The following PRDM11 variants were observed in gnomAD, a reference collection of about 807,000 sequenced individuals.
PRDM11 encodes the protein PR/SET domain 11, also known as PR domain-containing protein 11.
In PRDM11, 20 loss-of-function variants were observed where a neutral mutation model predicts 97.8. The observed-to-expected ratio is 0.20, with a 90% CI of 0.14 to 0.30. The LOEUF (loss-of-function observed/expected upper bound fraction) is 0.30. Ranked by LOEUF, PRDM11 falls within the 10% of genes least tolerant of loss-of-function variation. The pLI is 1.00. For missense variants in PRDM11, 1,139 were observed against 1,555.2 expected, an observed-to-expected ratio of 0.73 and a Z score of 4.50; for synonymous variants, 599 against 637.7, an observed-to-expected ratio of 0.94 and a Z score of 0.91.
chr11:45,216,486 C>T (rs1853961514), intron 5 of PRDM11, among the ~76,000 whole-genome samples: 1 of 151,990 alleles, frequency 6.6e-6, no homozygotes, highest in South Asian at 2.1e-4. Flanking sequence ...GGGGGGTGGT[C>T]GAGCCAGCAG....
At chr11:45,204,689 A>G in intron 4 of PRDM11, 22 bp from the exon 5 acceptor site, 1 of 1,601,232 alleles carries the variant, frequency 6.2e-7, no homozygotes, top group Non-Finnish European at 8.6e-7. Context: ...GGCCCATCCT[A>G]GACTCTTTCT....
At chr11:45,196,318 C>T (rs988502242) in intron 4 of PRDM11, among the ~76,000 whole-genome samples, 7 of 152,214 alleles carry the variant, frequency 4.6e-5, no homozygotes, top group East Asian at 3.9e-4. Context: ...AGGATGGATG[C>T]GCCGGTTGTG....
chr11:45,209,548 C>T (rs958981989), intron 5 of PRDM11, among the ~76,000 whole-genome samples: 2 of 152,198 alleles, frequency 1.3e-5, no homozygotes, highest in Admixed American at 6.5e-5. Context: ...AAACCCCACG[C>T]AGGCCCTGCT....
chr11:45,216,275 T>A (rs1853953287), intron 5 of PRDM11: 1 of 152,206 alleles, frequency 6.6e-6, no homozygotes, highest in African/African-American at 2.4e-5. Context: ...GCATTCTCTG[T>A]GCCTTCTCTC....
chr11:45,165,568 C>T (rs1010350929), intron 1 of PRDM11, among the ~76,000 whole-genome samples: 3 of 152,226 alleles, frequency 2.0e-5, no homozygotes, highest in Non-Finnish European at 2.9e-5. Context: ...GACTGGAGAC[C>T]TGGAGAGTGA....
chr11:45,116,370 C>T (rs576827649), intron 1 of PRDM11, among the ~76,000 whole-genome samples: 23 of 152,266 alleles, frequency 1.5e-4, no homozygotes, highest in Non-Finnish European at 2.9e-4. Flanking sequence ...AGAACATTCA[C>T]CAAGACATAC....
chr11:45,164,205 C>T (rs1050444641), intron 1 of PRDM11, among the ~76,000 whole-genome samples: 3 of 152,196 alleles, frequency 2.0e-5, no homozygotes, highest in African/African-American at 4.8e-5. Flanking sequence ...ATCCAGCATC[C>T]TTTAGGTCTG....
At chr11:45,112,469 A>G (rs1291472156) in intron 1 of PRDM11, among the ~76,000 whole-genome samples, 1 of 152,204 alleles carries the variant, frequency 6.6e-6, no homozygotes, top group Non-Finnish European at 1.5e-5. Context: ...TGGGATTGCT[A>G]GATCAAATGG....
intron 1 of PRDM11, among the ~76,000 whole-genome samples, chr11:45,163,495 G>GA (rs1554968589): frequency 6.6e-6 from 1 of 151,406 alleles, no homozygotes; most frequent in African/African-American, 2.4e-5. Context: ...GGATGGGGGG[G>GA]GGTACCCGGT....
intron 4 of PRDM11, among the ~76,000 whole-genome samples, chr11:45,199,796 G>T (rs1005708967): frequency 6.6e-6 from 1 of 152,178 alleles, no homozygotes; most frequent in Non-Finnish European, 1.5e-5. Context: ...GGCATGTAAC[G>T]TGGTCCACAG....
intron 1 of PRDM11, among the ~76,000 whole-genome samples, chr11:45,162,125 G>C (rs1326732294): frequency 6.6e-6 from 1 of 152,236 alleles, no homozygotes; most frequent in Non-Finnish European, 1.5e-5. Flanking sequence ...ACCATGGGTT[G>C]CCCTGGGCCC....
chr11:45,224,971 A>G, intron 7 of PRDM11, 128 bp downstream of exon 7: 1 of 1,538,090 alleles, frequency 6.5e-7, no homozygotes, highest in Admixed American at 1.9e-5. Context: ...GGAGGCGGCT[A>G]CCTCCGTGGG....
intron 1 of PRDM11, among the ~76,000 whole-genome samples, chr11:45,097,538 C>T (rs1851905605): frequency 6.6e-6 from 1 of 152,166 alleles, no homozygotes. Flanking sequence ...CTCAAGATCA[C>T]ACAGGGGTAA....
chr11:45,208,488 T>G (rs531437971), intron 5 of PRDM11, among the ~76,000 whole-genome samples: 3 of 152,356 alleles, frequency 2.0e-5, no homozygotes, highest in African/African-American at 4.8e-5. Context: ...TAAGAGATTT[T>G]AAGCCCCTTA....
Position 45,219,670 on chromosome 11 carries a change from G to A in PRDM11, c.655G>A (p.Glu219Lys). 1 of 1,614,122 alleles carries A rather than the reference G, an allele frequency of 6.2e-7. No homozygotes were observed. Among genetic ancestry groups the A allele is most frequent in the Non-Finnish European group, 8.5e-7 (1 of 1,180,030 alleles). The part of the protein sequence containing the change: ...FRACRDIRPG[E>K]WLRVWYSEDY... ...GGCGTGCAGGGACATCCGGCCTGGG[G>A]AGTGGCTGCGGGTCTGGTACAGCGA... Residue 219 changes from glutamate (E) to lysine (K), a missense_variant, in exon 6 of 8, where the codon GAG becomes AAG. Physicochemically the swap from Glu to Lys is moderately conservative, Grantham distance 56. Around this residue, in one of 2 missense-constraint regions of PRDM11, gnomAD observed 429 missense variants for 510.3 expected, o/e 0.84. Transcript: ENST00000683152. This position sits in a 1 kb window ranked among gnomAD's most constrained non-coding sequence, Gnocchi z 4.2.
At chr11:45,111,092 G>A (rs567992743) in intron 1 of PRDM11, among the ~76,000 whole-genome samples, 18 of 152,100 alleles carry the variant, frequency 1.2e-4, no homozygotes, top group African/African-American at 4.3e-4. Flanking sequence ...TTGCAACTCT[G>A]GGAGGTGTCT....
chr11:45,207,405 C>T (rs1442233414), intron 5 of PRDM11, among the ~76,000 whole-genome samples: 1 of 152,088 alleles, frequency 6.6e-6, no homozygotes, highest in Admixed American at 6.6e-5. Context: ...TGGTGGTTCT[C>T]AACCGAGCAC....
rs201144359 is a variant in PRDM11, at chr11:45,160,334, G to GA, written c.-7+13465dup. On this transcript the variant is annotated intron_variant, in intron 1 of 7. Coordinates refer to ENST00000683152, the MANE Select transcript of PRDM11 (RefSeq NM_001384648.1). Reference sequence around the variant, plus strand: ...GAATATACAAATACATTTTTACTTTGAAAAAAAATCAAATATTAACAAATA... The same window carrying GA: ...GAATATACAAATACATTTTTACTTTGAAAAAAAAATCAAATATTAACAAATA... Among the ~76,000 whole-genome samples the GA allele has an allele frequency of 5.7e-3, 864 of 151,620 alleles. 6 individuals carry two copies. Among genetic ancestry groups the GA allele is most frequent in the African/African-American group, 0.02 (807 of 41,330 alleles).
At chr11:45,130,194 C>A (rs1249063387) in intron 1 of PRDM11, among the ~76,000 whole-genome samples, 2 of 152,036 alleles carry the variant, frequency 1.3e-5, no homozygotes, top group East Asian at 3.8e-4. Context: ...AATACAGAAT[C>A]ATATCATTAT....
Sources: gnomAD v4.1 joint callset for allele counts (sites outside exome capture counted in the v4.1 genomes callset) on GRCh38, gnomAD v4.1.1 for gene constraint, gnomAD v4.1.1 regional missense constraint, Gnocchi (gnomAD v3.1) non-coding constraint, MANE v1.5 for transcripts, NCBI Gene and HGNC (gene_info 2026-07-23, HGNC 2026-07-21) for gene names.